The following MYH1 variants were observed in gnomAD, a reference collection of about 807,000 sequenced individuals.
The protein encoded by MYH1 is myosin-1.
In MYH1, 214 loss-of-function variants were observed where a neutral mutation model predicts 225.6. That is an observed-to-expected ratio of 0.95 (90% CI 0.85 to 1.06). The LOEUF (loss-of-function observed/expected upper bound fraction) is 1.06. Among genes scored for constraint, MYH1 ranks in the 50% least tolerant of loss-of-function variants. The probability of loss-of-function intolerance (pLI) is 0.00; values close to 1 mark genes in which losing one functional copy is unlikely to be tolerated. For missense variants in MYH1, 2,098 were observed against 2,344.2 expected, an observed-to-expected ratio of 0.89 and a Z score of 2.17; for synonymous variants, 774 against 842.3, an observed-to-expected ratio of 0.92 and a Z score of 1.40.
In MYH1 at chr17:10,494,299, C is replaced by A. The variant is rs893136407; in HGVS notation, c.5667+55G>T. 4 of 1,493,142 alleles carry A rather than the reference C, an allele frequency of 2.7e-6. No homozygotes were observed. The Admixed American group carries it at 8.1e-5, about 30-fold the overall frequency. The allele number at this position is 1,493,142 out of a possible 1,614,324, so 92.5% of individuals were successfully genotyped here. ...CTCATCTTTTCTTTTGTCACTTTAACTAAACTGGCCTGGTCATGTCTGAGA... is the reference window on the plus strand; with the variant it reads ...CTCATCTTTTCTTTTGTCACTTTAAATAAACTGGCCTGGTCATGTCTGAGA... On this transcript the variant is annotated intron_variant, in intron 39 of 39. Transcript: ENST00000226207.
chr17:10,502,040 T>A, intron 24 of MYH1, 129 bp from the exon 25 acceptor site: 1 of 943,872 alleles, frequency 1.1e-6, no homozygotes, highest in Non-Finnish European at 1.5e-6. Flanking sequence ...GTCCCATTGA[T>A]TCCATTCTCC....
rs141488915 is a variant in MYH1, at chr17:10,516,854, G to C, written c.-40-172C>G. ...ATGTCAGTCTCCTTGTTCTGTGCCAGTGCTGACAGACACTTAATCATGCAT... is the reference window on the plus strand; with the variant it reads ...ATGTCAGTCTCCTTGTTCTGTGCCACTGCTGACAGACACTTAATCATGCAT... On this transcript the variant is annotated intron_variant, in intron 2 of 39. Transcript: ENST00000226207. Among the ~76,000 whole-genome samples the C allele has an allele frequency of 9.5e-4, 144 of 152,330 alleles. 1 individual carries two copies. Among genetic ancestry groups the C allele is most frequent in the African/African-American group, 3.3e-3 (137 of 41,572 alleles).
rs763512610 is a variant in MYH1, at chr17:10,512,675, A to C, written c.1008+6T>G. The C allele has an allele frequency of 1.2e-5, 19 of 1,613,656 alleles. No homozygotes were observed. Among genetic ancestry groups the C allele is most frequent in the Non-Finnish European group, 1.6e-5 (19 of 1,179,554 alleles). On this transcript the variant is annotated splice_donor_region_variant and intron_variant, in intron 11 of 39. Transcript: ENST00000226207. ...GATTTTAAATTAAAATTCATGTATA[A>C]CTTACATCTGTAGCCATCAACTCTT...
intron 9 of MYH1, among the ~76,000 whole-genome samples, chr17:10,513,394 G>A (rs2073191728): frequency 6.6e-6 from 1 of 152,142 alleles, no homozygotes; most frequent in Admixed American, 6.5e-5. Flanking sequence ...TTCTGAGGCT[G>A]GAATACTTTG....
intron 19 of MYH1, 77 bp from the exon 20 acceptor site, chr17:10,505,588 A>G: frequency 6.5e-7 from 1 of 1,540,822 alleles, no homozygotes. Flanking sequence ...TAGAAACAAC[A>G]TAGCCACTGG....
chr17:10,494,562 T>C lies in MYH1; in HGVS notation c.5571+7A>G. On this transcript the variant is annotated splice_region_variant and intron_variant, in intron 38 of 39. Transcript: ENST00000226207. ...AAGTGAAAACCTAGACAGGCCATTT[T>C]CCTTACTTGGTAAGTGAGTTCCTTC... 1 of 1,613,574 alleles carries C rather than the reference T, an allele frequency of 6.2e-7. No homozygotes were observed. Among genetic ancestry groups the C allele is most frequent in the Non-Finnish European group, 8.5e-7 (1 of 1,179,850 alleles).
chr17:10,492,438 G>C lies in MYH1; in HGVS notation c.5798C>G (p.Thr1933Arg). Residue 1933 changes from threonine to arginine, a missense_variant, in exon 40 of 40, where the codon ACA becomes AGA. Transcript: ENST00000226207. ...AAATTACTCTTCACTTATGATTTTT[G>C]TGTGAACCTCCCTGCTCTTCACCCT... ...KLRVKSREVH[T>R]KIISEE is the part of the protein sequence containing the mutation. 8 of 1,613,542 alleles carry C rather than the reference G, an allele frequency of 5.0e-6. No individual in the cohort carries two copies. The highest frequency in any genetic ancestry group is 6.8e-6 in the Non-Finnish European group (8 of 1,179,870).
In MYH1 at chr17:10,505,308, G is replaced by A. The variant is rs932715311; in HGVS notation, c.2299-9C>T. 9 of 1,614,020 alleles carry A rather than the reference G, an allele frequency of 5.6e-6. No individual in the cohort carries two copies. The highest frequency in any genetic ancestry group is 2.7e-5 in the African/African-American group (2 of 74,910). ...CCAGCTTTGAAAAAGACCTATGTGT[G>A]GGAAGAATTTCAGATCAGAAAATTT... On this transcript the variant is annotated splice_polypyrimidine_tract_variant and intron_variant, in intron 20 of 39. Transcript: ENST00000226207.
chr17:10,499,287 AT>A (rs962498543), intron 28 of MYH1, among the ~76,000 whole-genome samples, 195 bp from the exon 29 acceptor site: 10 of 152,264 alleles, frequency 6.6e-5, no homozygotes, highest in African/African-American at 2.2e-4. Context: ...TTTGAGGCAG[AT>A]TACATGCTTG....
chr17:10,516,478 CCT>C lies in MYH1; in HGVS notation c.163_164del (p.Arg55GlyfsTer8), dbSNP rs752558133. 218 of 1,614,090 alleles carry C rather than the reference CCT, an allele frequency of 1.4e-4. 1 individual carries two copies. The highest frequency in any genetic ancestry group is 1.6e-5 in the Non-Finnish European group (19 of 1,180,038). On this transcript the variant is annotated frameshift_variant, in exon 3 of 40. Transcript: ENST00000226207. LOFTEE classifies it high-confidence loss of function. ...ESFVKATVQS[R>X]EGGKVTAKTE... ...TCTTAGCTGTCACCTTCCCCCCTTC[CCT>C]GCTCTGCACTGTTGCTTTCACAAAG...
chr17:10,508,730 A>G, intron 15 of MYH1, 58 bp from the exon 16 acceptor site: 1 of 1,568,574 alleles, frequency 6.4e-7, no homozygotes, highest in Non-Finnish European at 8.7e-7. Flanking sequence ...TAGAAATAAC[A>G]TTTAACATTA....
At chr17:10,496,830 C>A (rs1051466141) in intron 33 of MYH1, among the ~76,000 whole-genome samples, 1 of 152,048 alleles carries the variant, frequency 6.6e-6, no homozygotes, top group South Asian at 2.1e-4. Context: ...CTTTTATCTC[C>A]CTAGGTAGAT....
Position 10,499,102 on chromosome 17 carries a change from A to T in MYH1, c.3866-10T>A, listed in dbSNP as rs1452497874. On this transcript the variant is annotated splice_polypyrimidine_tract_variant and intron_variant, in intron 28 of 39. Transcript: ENST00000226207. Reference sequence around the variant, plus strand: ...TGGCGTGAATATTCACCTGTAAAAGACCAAGTCCAGAAAACTCAACCTTAC... The same window carrying T: ...TGGCGTGAATATTCACCTGTAAAAGTCCAAGTCCAGAAAACTCAACCTTAC... The T allele has an allele frequency of 2.5e-6, 4 of 1,599,058 alleles. No individual in the cohort carries two copies. Among genetic ancestry groups the T allele is most frequent in the Non-Finnish European group, 3.4e-6 (4 of 1,168,044 alleles).
rs1456972136 is a variant in MYH1 at position 10,505,893 on chromosome 17, C to A, written c.2093G>T (p.Arg698Met). ...MEHELVLHQL[R>M]CNGVLEGIRI... ...GATGCCTTCCAGCACACCGTTACAC[C>A]TCAGCTGATGCAGGACAAGCTCATG... is the stretch of plus-strand genomic sequence containing the variant. Residue 698 changes from arginine to methionine, a missense_variant, in exon 19 of 40, where the codon AGG (arginine) becomes ATG (methionine). By Grantham distance (91) the Arg-to-Met change is moderately conservative. Transcript: ENST00000226207. The A allele has an allele frequency of 4.3e-6, 7 of 1,614,020 alleles. No homozygotes were observed. Among genetic ancestry groups the A allele is most frequent in the Non-Finnish European group, 5.9e-6 (7 of 1,180,002 alleles).
In MYH1 at chr17:10,496,173, T is replaced by C. The variant is rs1567714950; in HGVS notation, c.4966-20A>G. The C allele has an allele frequency of 1.2e-6, 2 of 1,614,096 alleles. No individual in the cohort carries two copies. The highest frequency in any genetic ancestry group is 1.1e-5 in the South Asian group (1 of 91,078). On this transcript the variant is annotated intron_variant, in intron 34 of 39. Transcript: ENST00000226207. ...GGTATCCTGTGGAACAAACCGTCAT[T>C]GAGACACCATGTATTCAGGGTTGCA...
rs1046944728 is a variant in MYH1, at chr17:10,505,273, C to A, written c.2325G>T (p.Gly775=). The change falls in exon 21 of 40, where the codon GGG becomes GGT. Residue 775 remains glycine (G), a synonymous_variant. Coordinates refer to ENST00000226207, the MANE Select transcript of MYH1 (RefSeq NM_005963.4). The stretch of plus-strand genomic sequence containing the variant: ...TCTCATCTCGCATCTCCTCTAGGAG[C>A]CCCAGAAGACCAGCTTTGAAAAAGA... ...TKVFFKAGLL[G]LLEEMRDEKL... 2.5e-6 allele frequency: 4 copies of A among 1,614,062 alleles called. No individual in the cohort carries two copies. The highest frequency in any genetic ancestry group is 2.7e-5 in the African/African-American group (2 of 74,912).
Position 10,512,703 on chromosome 17 carries a change from T to G in MYH1, c.986A>C (p.Gln329Pro). 6.2e-7 allele frequency: 1 copy of G among 1,614,122 alleles called. No individual in the cohort carries two copies. The highest frequency in any genetic ancestry group is 8.5e-7 in the Non-Finnish European group (1 of 1,179,984). The change falls in exon 11 of 40, where the codon CAA becomes CCA. Residue 329 changes from glutamine (Q) to proline (P), a missense_variant. Physicochemically the swap from Gln to Pro is moderately conservative, Grantham distance 76 (BLOSUM62 -1). Coordinates refer to ENST00000226207, the MANE Select transcript of MYH1 (RefSeq NM_005963.4). ...TACATCTGTAGCCATCAACTCTTCT[T>G]GGTCATCAATGCTGGGCACTGTGAT... ...GEITVPSIDD[Q>P]EELMATDSAI...
rs1199218668 is a variant in MYH1 at position 10,506,053 on chromosome 17, T to C, written c.2015A>G (p.His672Arg). 4.3e-6 allele frequency: 7 copies of C among 1,614,194 alleles called. No individual in the cohort carries two copies. The highest frequency in any genetic ancestry group is 1.6e-4 in the Middle Eastern group (1 of 6,062). Residue 672 changes from histidine to arginine, a missense_variant, in exon 18 of 40, where the codon CAC becomes CGC. His to Arg is a conservative substitution (Grantham distance 29). Transcript: ENST00000226207. ...LMTNLRSTHP[H>R]FVRCIIPNET... Reference sequence around the variant, plus strand: ...ATTGGGGATGATGCACCGCACAAAGTGGGGGTGAGTGCTCCTCAAGTTGGT... The same window carrying C: ...ATTGGGGATGATGCACCGCACAAAGCGGGGGTGAGTGCTCCTCAAGTTGGT...
At chr17:10,497,950 G>A in intron 30 of MYH1, 33 bp from the exon 31 acceptor site, 1 of 1,565,858 alleles carries the variant, frequency 6.4e-7, no homozygotes, top group Non-Finnish European at 8.6e-7. Context: ...GTGAATGGCT[G>A]TCAACTGAAT....
Sources: allele counts gnomAD v4.1 joint callset (sites outside exome capture counted in the v4.1 genomes callset), GRCh38; gene constraint gnomAD v4.1.1; transcripts MANE v1.5; gene names NCBI Gene and HGNC (gene_info 2026-07-23, HGNC 2026-07-21).